NCAM2: variants seen among roughly 807,000 people sequenced by gnomAD.
The protein encoded by NCAM2 is neural cell adhesion molecule 2.
In NCAM2, 30 loss-of-function variants were observed where a neutral mutation model predicts 98.1. That is an observed-to-expected ratio of 0.31 (90% CI 0.23 to 0.41). NCAM2 has a LOEUF of 0.41. Ranked by LOEUF, NCAM2 falls within the 10% of genes least tolerant of loss-of-function variation. NCAM2 has a pLI of 1.00. For missense variants in NCAM2, 867 were observed against 1,005.8 expected (o/e 0.86, Z 1.87); for synonymous variants, 368 against 342.4 (o/e 1.07, Z -0.83).
intron 8 of NCAM2, among the ~76,000 whole-genome samples, chr21:21,361,282 T>A (rs915227206): frequency 6.6e-6 from 1 of 152,050 alleles, no homozygotes; most frequent in Non-Finnish European, 1.5e-5. Context: ...TATATTTATG[T>A]GTGTGCCTGT....
intron 6 of NCAM2, among the ~76,000 whole-genome samples, chr21:21,327,197 A>G (rs1443437210): frequency 6.7e-6 from 1 of 150,032 alleles, no homozygotes; most frequent in East Asian, 2.0e-4. Context: ...AGTCCCAGCT[A>G]CTCTGGAGGC....
At chr21:21,008,817 A>G (rs1158629328) in intron 1 of NCAM2, among the ~76,000 whole-genome samples, 1 of 152,160 alleles carries the variant, frequency 6.6e-6, no homozygotes, top group Non-Finnish European at 1.5e-5. Context: ...TAGAACTGTT[A>G]ATACTTTTGC....
chr21:21,162,215 A>C (rs1484963297), intron 1 of NCAM2, among the ~76,000 whole-genome samples: 1 of 152,124 alleles, frequency 6.6e-6, no homozygotes. Context: ...TACTTCACAC[A>C]GATATTTATC....
intron 5 of NCAM2, among the ~76,000 whole-genome samples, chr21:21,298,149 A>G (rs1203457884): frequency 6.6e-6 from 1 of 151,752 alleles, no homozygotes; most frequent in Non-Finnish European, 1.5e-5. Flanking sequence ...AAATGAGGCA[A>G]AAAAACTTTT....
At chr21:21,092,540 C>T (rs17003807) in intron 1 of NCAM2, among the ~76,000 whole-genome samples, 6,337 of 151,896 alleles carry the variant, frequency 0.042, 411 homozygotes, top group African/African-American at 0.14. Flanking sequence ...AAACTACCTG[C>T]TTTGATACTA....
intron 16 of NCAM2, among the ~76,000 whole-genome samples, chr21:21,531,335 T>C (rs1989682802): frequency 6.6e-6 from 1 of 152,222 alleles, no homozygotes; most frequent in Non-Finnish European, 1.5e-5. Flanking sequence ...TTCAGTAATA[T>C]ATTTCCAAAT....
At chr21:21,141,153 A>G (rs73894464) in intron 1 of NCAM2, among the ~76,000 whole-genome samples, 2 of 152,330 alleles carry the variant, frequency 1.3e-5, no homozygotes, top group African/African-American at 2.4e-5. Context: ...TTCAAAACGT[A>G]TAACACTTTT....
At chr21:21,009,754 T>C (rs548235215) in intron 1 of NCAM2, among the ~76,000 whole-genome samples, 50 of 152,132 alleles carry the variant, frequency 3.3e-4, no homozygotes, top group African/African-American at 1.2e-3. Flanking sequence ...TTCTGAACTG[T>C]ATGTATGGTA....
intron 1 of NCAM2, among the ~76,000 whole-genome samples, chr21:21,049,046 C>G (rs1167789052): frequency 5.6e-5 from 8 of 142,328 alleles, no homozygotes; most frequent in Admixed American, 7.0e-5. Context: ...GAGTCTCGCT[C>G]TGTCGCCCAG....
chr21:21,322,310 A>G (rs2147785695), intron 5 of NCAM2, among the ~76,000 whole-genome samples: 1 of 152,236 alleles, frequency 6.6e-6, no homozygotes, highest in South Asian at 2.1e-4. Context: ...AGAGAAGGGA[A>G]AGAGGGAGGT....
At chr21:21,438,627 T>G (rs181528653) in intron 12 of NCAM2, among the ~76,000 whole-genome samples, 1 of 152,330 alleles carries the variant, frequency 6.6e-6, no homozygotes, top group African/African-American at 2.4e-5. Flanking sequence ...GTAGCAAGAC[T>G]TTTTGGTTGG....
At chr21:21,297,494 G>A (rs546058904) in intron 5 of NCAM2, among the ~76,000 whole-genome samples, 10 of 151,696 alleles carry the variant, frequency 6.6e-5, no homozygotes, top group African/African-American at 2.4e-4. Context: ...CATACTATGT[G>A]AAATCTTTTA....
At chr21:21,006,014 C>A (rs114892332) in intron 1 of NCAM2, among the ~76,000 whole-genome samples, 1 of 152,240 alleles carries the variant, frequency 6.6e-6, no homozygotes, top group African/African-American at 2.4e-5. Context: ...AGATGACATT[C>A]CTGAGATTAA....
chr21:21,158,220 C>A (rs1402408659), intron 1 of NCAM2, among the ~76,000 whole-genome samples: 1 of 152,128 alleles, frequency 6.6e-6, no homozygotes, highest in East Asian at 1.9e-4. Context: ...CTATGTTAAT[C>A]TGATTAATTA....
intron 1 of NCAM2, among the ~76,000 whole-genome samples, chr21:21,138,984 C>T (rs1314250205): frequency 1.3e-5 from 2 of 152,116 alleles, no homozygotes; most frequent in African/African-American, 2.4e-5. Flanking sequence ...GTGGTCACCC[C>T]AGAAGATATG....
chr21:21,415,134 C>T (rs867076921), intron 10 of NCAM2, among the ~76,000 whole-genome samples: 2 of 151,892 alleles, frequency 1.3e-5, no homozygotes, highest in Non-Finnish European at 2.9e-5. Context: ...TGAACAATGG[C>T]TTGAACTTAA....
At chr21:21,446,806 T>A (rs1980224194) in intron 12 of NCAM2, among the ~76,000 whole-genome samples, 1 of 151,962 alleles carries the variant, frequency 6.6e-6, no homozygotes, top group Admixed American at 6.6e-5. Context: ...TCACAATTGT[T>A]ACAAAGAGAA....
At chr21:21,011,914 A>G (rs2064219025) in intron 1 of NCAM2, among the ~76,000 whole-genome samples, 1 of 152,152 alleles carries the variant, frequency 6.6e-6, no homozygotes, top group African/African-American at 2.4e-5. Flanking sequence ...GGAAATGCAA[A>G]TTAAAAACCA....
chr21:21,193,750 TCC>T (rs545657548), intron 1 of NCAM2, among the ~76,000 whole-genome samples: 161 of 152,258 alleles, frequency 1.1e-3, no homozygotes, highest in African/African-American at 3.7e-3. Flanking sequence ...CACCTCGGCC[TCC>T]CAAAGTGCTG....
Sources: gnomAD v4.1 joint callset for allele counts (sites outside exome capture counted in the v4.1 genomes callset) on GRCh38, gnomAD v4.1.1 for gene constraint, MANE v1.5 for transcripts, NCBI Gene and HGNC (gene_info 2026-07-23, HGNC 2026-07-21) for gene names.